PIP5K1C: variants seen among roughly 807,000 people sequenced by gnomAD.
The protein encoded by PIP5K1C is phosphatidylinositol 4-phosphate 5-kinase type-1 gamma.
Under a neutral mutation model 80.1 loss-of-function variants are expected in PIP5K1C, and 45 were observed. The ratio of observed to expected loss-of-function variants is 0.56; its 90% CI spans 0.44 to 0.72. The LOEUF (loss-of-function observed/expected upper bound fraction) is 0.72, where lower values mean the gene tolerates loss of function less well. PIP5K1C is among the 30% of genes least tolerant of loss of function. The pLI, the probability that PIP5K1C is intolerant of heterozygous loss-of-function variation, is 0.00. For missense variants in PIP5K1C, 753 were observed against 954.6 expected, an observed-to-expected ratio of 0.79 and a Z score of 2.78; for synonymous variants, 498 against 420.1, an observed-to-expected ratio of 1.19 and a Z score of -2.27.
chr19:3,675,344 C>T (rs552134187), intron 1 of PIP5K1C, among the ~76,000 whole-genome samples: 7 of 152,256 alleles, frequency 4.6e-5, no homozygotes, highest in African/African-American at 1.2e-4. Flanking sequence ...TCTCCAAACT[C>T]GGTCATCCCC....
Position 3,637,437 on chromosome 19 carries a change from T to A in PIP5K1C, c.1920+1447A>T. On this transcript the variant is annotated intron_variant, in intron 16 of 17. Transcript: ENST00000335312. This position sits in a 1 kb window ranked among gnomAD's most constrained non-coding sequence, Gnocchi z 7.0. ...ACCCAAAGCCCTTCTGGAAAACAACTGACGTCAGACACTGAGCTTCCGGCC... is the reference window on the plus strand; with the variant it reads ...ACCCAAAGCCCTTCTGGAAAACAACAGACGTCAGACACTGAGCTTCCGGCC... 1 of 1,535,598 alleles carries A rather than the reference T, an allele frequency of 6.5e-7. No individual in the cohort carries two copies. The highest frequency in any genetic ancestry group is 8.7e-7 in the Non-Finnish European group (1 of 1,146,802).
chr19:3,660,402 G>A (rs986727612), intron 5 of PIP5K1C, among the ~76,000 whole-genome samples: 1 of 151,640 alleles, frequency 6.6e-6, no homozygotes, highest in Non-Finnish European at 1.5e-5. Flanking sequence ...AGGGGGTGCT[G>A]GCGCTGATGA....
intron 1 of PIP5K1C, among the ~76,000 whole-genome samples, chr19:3,678,948 A>C (rs1479058820): frequency 8.5e-6 from 1 of 117,860 alleles, no homozygotes; most frequent in Admixed American, 8.1e-5. Flanking sequence ...AGGGATGGAG[A>C]ATGGAGGGAT....
intron 16 of PIP5K1C, chr19:3,636,475 G>A: frequency 1.0e-6 from 1 of 985,570 alleles, no homozygotes; most frequent in Non-Finnish European, 1.2e-6. Context: ...CAAAGTCCAA[G>A]CACCCCCCTC....
chr19:3,699,523 T>C (rs1204089862), intron 1 of PIP5K1C, among the ~76,000 whole-genome samples: 4 of 152,126 alleles, frequency 2.6e-5, no homozygotes, highest in African/African-American at 9.7e-5. Context: ...GCTGGCTGCC[T>C]GGGAGGAGCA....
At chr19:3,647,876 G>A (rs904955884) in intron 9 of PIP5K1C, among the ~76,000 whole-genome samples, 6 of 152,356 alleles carry the variant, frequency 3.9e-5, no homozygotes, top group Non-Finnish European at 8.8e-5. Flanking sequence ...CGACTCAGAA[G>A]GCAGAGGTTG....
Position 3,688,620 on chromosome 19 carries a change from C to CCA in PIP5K1C, c.94+11676_94+11677insTG, listed in dbSNP as rs929047290. ...GTGATTCTGCTGCTGAAATTGCCCCCCCAGGCATTGTCCTCAGGTGGTTTC... is the reference window on the plus strand; with the variant it reads ...GTGATTCTGCTGCTGAAATTGCCCCCCACCAGGCATTGTCCTCAGGTGGTTTC... On this transcript the variant is annotated intron_variant, in intron 1 of 17. Transcript: ENST00000335312. The surrounding 1 kb of genome is among the most constrained non-coding windows in gnomAD (Gnocchi z 5.3). 3.9e-5 allele frequency among the ~76,000 whole-genome samples: 6 copies of CCA among 152,148 alleles called. No individual in the cohort carries two copies. The highest frequency in any genetic ancestry group is 1.4e-4 in the African/African-American group (6 of 41,416).
chr19:3,662,244 G>A (rs1417124203), intron 3 of PIP5K1C, among the ~76,000 whole-genome samples: 2 of 152,178 alleles, frequency 1.3e-5, no homozygotes, highest in East Asian at 1.9e-4. Context: ...TGCAACTGCC[G>A]CACCACGTCA....
chr19:3,691,598 C>T (rs892803175), intron 1 of PIP5K1C, among the ~76,000 whole-genome samples: 2 of 152,206 alleles, frequency 1.3e-5, no homozygotes, highest in East Asian at 1.9e-4. Context: ...CCATCTACCC[C>T]GCCTGGCCCG....
At chr19:3,678,681 T>C (rs1180394007) in intron 1 of PIP5K1C, among the ~76,000 whole-genome samples, 2 of 54,390 alleles carry the variant, frequency 3.7e-5, no homozygotes, top group Non-Finnish European at 7.0e-5. Flanking sequence ...GATGGCGAGA[T>C]GGAGGGATGG....
chr19:3,667,932 C>T (rs1442719121), intron 1 of PIP5K1C, among the ~76,000 whole-genome samples: 2 of 152,172 alleles, frequency 1.3e-5, no homozygotes, highest in Non-Finnish European at 2.9e-5. Context: ...AGCACCTGGG[C>T]AGCTGCGGTC....
chr19:3,645,520 C>G (rs965426675), intron 11 of PIP5K1C, among the ~76,000 whole-genome samples: 4 of 152,226 alleles, frequency 2.6e-5, no homozygotes, highest in Non-Finnish European at 5.9e-5. Flanking sequence ...GGGACCTTCC[C>G]GACCATGCCC....
In PIP5K1C at chr19:3,642,943, CAG is replaced by C; in HGVS notation, c.1650-6_1650-5del. ...TCCAGACGACTGTGTGCGCCGCCTG[CAG>C]AGATACAGCAAACACGTGACACCCA... On this transcript the variant is annotated splice_polypyrimidine_tract_variant and splice_region_variant and intron_variant, in intron 13 of 17. Coordinates refer to ENST00000335312, the MANE Select transcript of PIP5K1C (RefSeq NM_012398.3). The C allele has an allele frequency of 6.2e-7, 1 of 1,613,524 alleles. No homozygotes were observed. The highest frequency in any genetic ancestry group is 8.5e-7 in the Non-Finnish European group (1 of 1,179,844).
At chr19:3,684,102 G>C (rs1265742468) in intron 1 of PIP5K1C, among the ~76,000 whole-genome samples, 1 of 152,146 alleles carries the variant, frequency 6.6e-6, no homozygotes, top group Non-Finnish European at 1.5e-5. Context: ...ACAGCCTCCT[G>C]GCTGGGAAGT....
intron 1 of PIP5K1C, 140 bp downstream of exon 1, chr19:3,700,157 G>T: frequency 2.9e-6 from 1 of 340,622 alleles, no homozygotes; most frequent in East Asian, 1.1e-4. Flanking sequence ...CGGCTCCAGG[G>T]GACTGCCCCG....
In PIP5K1C at chr19:3,696,780, G is replaced by A. The variant is rs933660598; in HGVS notation, c.94+3517C>T. Among the ~76,000 whole-genome samples, 5 of 152,056 alleles carry A rather than the reference G, an allele frequency of 3.3e-5. No individual in the cohort carries two copies. The highest frequency in any genetic ancestry group is 7.4e-5 in the Non-Finnish European group (5 of 67,988). On this transcript the variant is annotated intron_variant, in intron 1 of 17. Coordinates refer to ENST00000335312, the MANE Select transcript of PIP5K1C (RefSeq NM_012398.3). The surrounding 1 kb of genome is among the most constrained non-coding windows in gnomAD (Gnocchi z 4.1). ...GGAGGGCCCGGGGCAGGCTGTGCAG[G>A]GCCTGATGGGCTTCAAAGAGGACTA...
At chr19:3,642,036 G>T (rs1253638686) in intron 14 of PIP5K1C, among the ~76,000 whole-genome samples, 1 of 152,158 alleles carries the variant, frequency 6.6e-6, no homozygotes, top group Non-Finnish European at 1.5e-5. Flanking sequence ...GGGGGCATAT[G>T]AGCAAATGGC....
chr19:3,691,531 C>T (rs918467228), intron 1 of PIP5K1C, among the ~76,000 whole-genome samples: 1 of 151,994 alleles, frequency 6.6e-6, no homozygotes, highest in Non-Finnish European at 1.5e-5. Context: ...ACCACCCCAA[C>T]AGCCAAGAGC....
Position 3,683,276 on chromosome 19 carries a change from C to T in PIP5K1C, c.95-15923G>A, listed in dbSNP as rs112069415. On this transcript the variant is annotated intron_variant, in intron 1 of 17. Transcript: ENST00000335312. Reference sequence around the variant, plus strand: ...CCTGGCACGTGGGTAAGGCTGCCTGCGACAGTGTCCTCCTCCCAGGAGTTC... The same window carrying T: ...CCTGGCACGTGGGTAAGGCTGCCTGTGACAGTGTCCTCCTCCCAGGAGTTC... Among the ~76,000 whole-genome samples the T allele has an allele frequency of 6.4e-3, 968 of 152,318 alleles. 8 individuals carry two copies. The highest frequency in any genetic ancestry group is 0.022 in the African/African-American group (913 of 41,558).
Sources: allele counts gnomAD v4.1 joint callset (sites outside exome capture counted in the v4.1 genomes callset), GRCh38; gene constraint gnomAD v4.1.1; non-coding constraint Gnocchi (gnomAD v3.1); transcripts MANE v1.5; gene names NCBI Gene and HGNC (gene_info 2026-07-23, HGNC 2026-07-21).